The following VPS13A variants were observed in gnomAD, a reference collection of about 807,000 sequenced individuals.
The protein encoded by VPS13A is vacuolar protein sorting 13 homolog A.
A neutral mutation model predicts 390.9 loss-of-function variants in VPS13A; 264 were observed. That is an observed-to-expected ratio of 0.68 (90% CI 0.61 to 0.75). The LOEUF is 0.75. Ranked by LOEUF, VPS13A falls within the 30% of genes least tolerant of loss-of-function variation. VPS13A has a pLI of 0.00. For synonymous variants in VPS13A, 1,231 were observed against 1,227.1 expected, an observed-to-expected ratio of 1.00 and a Z score of -0.07; for missense variants, 3,409 against 3,733.9, an observed-to-expected ratio of 0.91 and a Z score of 2.27.
intron 1 of VPS13A, among the ~76,000 whole-genome samples, chr9:77,183,847 G>T (rs73651496): frequency 0.014 from 2,113 of 152,258 alleles, 51 homozygotes; most frequent in African/African-American, 0.049. Flanking sequence ...CCACCAACAG[G>T]TGAATGGATA....
intron 20 of VPS13A, among the ~76,000 whole-genome samples, chr9:77,249,597 G>A (rs1482035187): frequency 2.6e-5 from 4 of 152,192 alleles, no homozygotes; most frequent in Admixed American, 6.5e-5. Context: ...AGTGAAAAAA[G>A]TAATGCGCAC....
chr9:77,323,311 A>G, intron 45 of VPS13A, 84 bp downstream of exon 45: 1 of 1,487,864 alleles, frequency 6.7e-7, no homozygotes. Context: ...ACAAATTATT[A>G]CTGAAAGAAT....
intron 13 of VPS13A, 106 bp downstream of exon 13, chr9:77,221,462 T>C (rs1383983540): frequency 1.8e-5 from 23 of 1,253,144 alleles, no homozygotes; most frequent in Non-Finnish European, 2.5e-5. Context: ...TATTGACCTT[T>C]TCATCTCTTT....
At chr9:77,303,601 TATTG>T (rs1169125000) in intron 34 of VPS13A, among the ~76,000 whole-genome samples, 3 of 152,138 alleles carry the variant, frequency 2.0e-5, no homozygotes, top group Non-Finnish European at 2.9e-5. Flanking sequence ...CGTCAGTTTT[TATTG>T]ATTATTATTT....
rs777520036 is a variant in VPS13A, at chr9:77,405,965, G to A, written c.9377G>A (p.Arg3126Lys). ...AAAGAGCCATTCATTGTTCATGGGA[G>A]AAGATTGCGCATTGAAGCAAAGGTA... The part of the protein sequence containing the change: ...FTKEPFIVHG[R>K]RLRIEAKERV... The change falls in exon 70 of 72, where the codon AGA becomes AAA. Residue 3126 changes from arginine (R) to lysine (K), a missense_variant. Around this residue, in one of 5 missense-constraint regions of VPS13A, gnomAD observed 318 missense variants for 333.7 expected, o/e 0.95. Coordinates refer to ENST00000360280, the MANE Select transcript of VPS13A (RefSeq NM_033305.3). The A allele has an allele frequency of 2.5e-6, 4 of 1,613,768 alleles. No homozygotes were observed. The highest frequency in any genetic ancestry group is 3.4e-6 in the Non-Finnish European group (4 of 1,179,976).
At chr9:77,407,986 G>A (rs186326054) in intron 71 of VPS13A, among the ~76,000 whole-genome samples, 8 of 152,136 alleles carry the variant, frequency 5.3e-5, no homozygotes, top group South Asian at 2.1e-4. Flanking sequence ...CATAGCTACC[G>A]TGATTTTTTA....
chr9:77,399,491 AAGTT>A (rs1184155306), intron 68 of VPS13A, among the ~76,000 whole-genome samples: 1 of 151,874 alleles, frequency 6.6e-6, no homozygotes, highest in Admixed American at 6.6e-5. Context: ...ATGGAAATAA[AAGTT>A]AGGTACTTGG....
intron 35 of VPS13A, among the ~76,000 whole-genome samples, chr9:77,309,771 AATGAATCTACTG>A (rs1361621218): frequency 1.3e-5 from 2 of 152,094 alleles, no homozygotes; most frequent in Non-Finnish European, 2.9e-5. Context: ...TCTTAGCTAT[AATGAATCTACTG>A]AGTTTCCAGC....
chr9:77,389,912 G>A (rs1833838003), intron 68 of VPS13A: 1 of 175,170 alleles, frequency 5.7e-6, no homozygotes, highest in Admixed American at 6.5e-5. Context: ...TTACAGAAGG[G>A]AGGCTGTTTT....
At position 77,275,483 on chromosome 9, in the gene VPS13A, T is replaced by G. The variant is rs1826600270; in HGVS notation, c.2513-15T>G. 6.2e-7 allele frequency: 1 copy of G among 1,611,946 alleles called. No individual in the cohort carries two copies. Reference sequence around the variant, plus strand: ...ATTTTAATTATTGACTTAAATAATGTTCTGTGAAATGTAGATTCAGAGGAG... The same window carrying G: ...ATTTTAATTATTGACTTAAATAATGGTCTGTGAAATGTAGATTCAGAGGAG... On this transcript the variant is annotated splice_polypyrimidine_tract_variant and intron_variant, in intron 24 of 71. Coordinates refer to ENST00000360280, the MANE Select transcript of VPS13A (RefSeq NM_033305.3).
At chr9:77,412,410 T>A (rs1834981028) in intron 71 of VPS13A, among the ~76,000 whole-genome samples, 1 of 152,218 alleles carries the variant, frequency 6.6e-6, no homozygotes, top group Non-Finnish European at 1.5e-5. Context: ...TCAAGTGGGC[T>A]TCATCCCTGG....
At chr9:77,196,263 A>T (rs1421078249) in intron 1 of VPS13A, among the ~76,000 whole-genome samples, 5 of 152,194 alleles carry the variant, frequency 3.3e-5, no homozygotes, top group African/African-American at 4.8e-5. Context: ...ACATGTATAC[A>T]TTGTATAAAA....
rs2131325213 is a variant in VPS13A at position 77,273,262 on chromosome 9, G to C, written c.2428-18G>C. The C allele has an allele frequency of 1.9e-6, 3 of 1,585,724 alleles. No homozygotes were observed. The East Asian group carries it at 6.7e-5, about 36-fold the overall frequency. On this transcript the variant is annotated intron_variant, in intron 23 of 71. Coordinates refer to ENST00000360280, the MANE Select transcript of VPS13A (RefSeq NM_033305.3). ...AAACATTTTTGTGCTAATCAACATT[G>C]AATTACTTTTCTTTCAGATTCAAAC... is the stretch of plus-strand genomic sequence containing the variant.
intron 26 of VPS13A, among the ~76,000 whole-genome samples, chr9:77,278,320 G>A (rs922875322): frequency 8.3e-5 from 12 of 144,420 alleles, no homozygotes; most frequent in African/African-American, 2.8e-4. Flanking sequence ...TGATCCGCCC[G>A]CCTTGGCCTC....
chr9:77,335,334 A>C (rs1282755667), intron 46 of VPS13A, among the ~76,000 whole-genome samples: 1 of 152,170 alleles, frequency 6.6e-6, no homozygotes, highest in Non-Finnish European at 1.5e-5. Flanking sequence ...CTGCAATGGC[A>C]AAAAAATCCA....
At chr9:77,352,428 G>A (rs1354474210) in intron 53 of VPS13A, among the ~76,000 whole-genome samples, 1 of 151,758 alleles carries the variant, frequency 6.6e-6, no homozygotes, top group African/African-American at 2.4e-5. Flanking sequence ...TGTGGGTATT[G>A]TTTACATTGT....
At chr9:77,367,985 C>A in intron 61 of VPS13A, 70 bp from the exon 62 acceptor site, 1 of 1,313,072 alleles carries the variant, frequency 7.6e-7, no homozygotes, top group Non-Finnish European at 1.1e-6. Flanking sequence ...GAAAATAAAG[C>A]CACTCATTAA....
intron 34 of VPS13A, among the ~76,000 whole-genome samples, chr9:77,303,326 G>A (rs1828489812): frequency 6.6e-6 from 1 of 152,160 alleles, no homozygotes; most frequent in Non-Finnish European, 1.5e-5. Context: ...GGGGTTGGTG[G>A]TGATGGTGAT....
chr9:77,185,008 A>G (rs1824245282), intron 1 of VPS13A, among the ~76,000 whole-genome samples: 1 of 152,116 alleles, frequency 6.6e-6, no homozygotes, highest in Admixed American at 6.6e-5. Context: ...TATCAAACCA[A>G]ATAAAATCAG....
Sources: allele counts gnomAD v4.1 joint callset (sites outside exome capture counted in the v4.1 genomes callset), GRCh38; gene constraint gnomAD v4.1.1; regional missense constraint gnomAD v4.1.1; transcripts MANE v1.5; gene names NCBI Gene and HGNC (gene_info 2026-07-23, HGNC 2026-07-21).